PPM1E: variants seen among roughly 807,000 people sequenced by gnomAD.
PPM1E encodes the protein protein phosphatase, Mg2+/Mn2+ dependent 1E.
A neutral mutation model predicts 65.9 loss-of-function variants in PPM1E; 20 were observed. That is an observed-to-expected ratio of 0.30 (90% confidence interval 0.21 to 0.44). PPM1E has a LOEUF of 0.44. PPM1E is among the 20% of genes least tolerant of loss of function. PPM1E has a pLI of 1.00. For synonymous variants in PPM1E, 352 were observed against 374.9 expected (o/e 0.94, Z 0.70); for missense variants, 713 against 953.1 (o/e 0.75, Z 3.32).
At chr17:58,769,252 T>G (rs562152595) in intron 1 of PPM1E, among the ~76,000 whole-genome samples, 3 of 152,144 alleles carry the variant, frequency 2.0e-5, no homozygotes, top group Non-Finnish European at 4.4e-5. Flanking sequence ...CATCATCTAC[T>G]CAACAAATGT....
intron 1 of PPM1E, among the ~76,000 whole-genome samples, chr17:58,805,643 AT>A (rs1285512263): frequency 2.6e-5 from 4 of 151,808 alleles, no homozygotes; most frequent in East Asian, 1.9e-4. Flanking sequence ...ATATACTACC[AT>A]TTTTTCCAGA....
intron 1 of PPM1E, among the ~76,000 whole-genome samples, chr17:58,821,079 T>G (rs950066260): frequency 4.6e-5 from 7 of 152,040 alleles, no homozygotes; most frequent in Non-Finnish European, 1.0e-4. Flanking sequence ...AACCTTCAGC[T>G]TAGCTTTGTA....
chr17:58,815,171 T>C (rs1437009702), intron 1 of PPM1E, among the ~76,000 whole-genome samples: 1 of 152,118 alleles, frequency 6.6e-6, no homozygotes, highest in Non-Finnish European at 1.5e-5. Context: ...TGAGTTAGAG[T>C]GATAATAGGT....
At chr17:58,882,397 A>G (rs1369515370) in intron 1 of PPM1E, among the ~76,000 whole-genome samples, 1 of 148,170 alleles carries the variant, frequency 6.7e-6, no homozygotes, top group Admixed American at 6.7e-5. Flanking sequence ...AGCAACTTGC[A>G]TTTTTTTTTT....
intron 2 of PPM1E, among the ~76,000 whole-genome samples, chr17:58,963,602 G>A (rs943032015): frequency 6.6e-6 from 1 of 151,908 alleles, no homozygotes; most frequent in Non-Finnish European, 1.5e-5. Flanking sequence ...CCAGCTACTC[G>A]GGAGGCTGAG....
chr17:58,974,597 A>C (rs2030879408), intron 6 of PPM1E, among the ~76,000 whole-genome samples: 2 of 152,214 alleles, frequency 1.3e-5, no homozygotes, highest in Admixed American at 1.3e-4. Flanking sequence ...TTTTTTAAAA[A>C]AGAATAAATC....
intron 1 of PPM1E, among the ~76,000 whole-genome samples, chr17:58,798,848 C>T (rs1288113699): frequency 6.6e-6 from 1 of 151,986 alleles, no homozygotes; most frequent in African/African-American, 2.4e-5. Flanking sequence ...TGCATGCCAC[C>T]ATGCTCGGCT....
intron 1 of PPM1E, among the ~76,000 whole-genome samples, chr17:58,866,414 G>A (rs879886854): frequency 3.3e-5 from 5 of 152,182 alleles, no homozygotes; most frequent in Non-Finnish European, 4.4e-5. Flanking sequence ...CTGCAAGGAC[G>A]TTCCCCCAAG....
chr17:58,873,582 A>ATTATTG (rs2051095708), intron 1 of PPM1E, among the ~76,000 whole-genome samples: 1 of 145,672 alleles, frequency 6.9e-6, no homozygotes, highest in Non-Finnish European at 1.5e-5. Context: ...TATTATTATT[A>ATTATTG]TTATTATTAT....
chr17:58,833,023 A>G (rs1017598153), intron 1 of PPM1E, among the ~76,000 whole-genome samples: 1 of 151,804 alleles, frequency 6.6e-6, no homozygotes, highest in Non-Finnish European at 1.5e-5. Flanking sequence ...ACGGGGTTTC[A>G]CCATGTTGGT....
At chr17:58,897,482 C>T (rs1455730382) in intron 1 of PPM1E, among the ~76,000 whole-genome samples, 8 of 151,946 alleles carry the variant, frequency 5.3e-5, no homozygotes, top group Non-Finnish European at 1.0e-4. Context: ...CACCCAAGAG[C>T]TCTGATGGAG....
intron 1 of PPM1E, among the ~76,000 whole-genome samples, chr17:58,900,436 T>G (rs910837086): frequency 3.3e-5 from 5 of 152,200 alleles, no homozygotes; most frequent in Admixed American, 1.3e-4. Flanking sequence ...CTTATCACGC[T>G]CTGAAGGCTC....
chr17:58,851,181 C>G (rs983675379), intron 1 of PPM1E, among the ~76,000 whole-genome samples: 2 of 152,110 alleles, frequency 1.3e-5, no homozygotes, highest in African/African-American at 4.8e-5. Flanking sequence ...TTCATCTAAT[C>G]TTTTTTCAAG....
intron 1 of PPM1E, among the ~76,000 whole-genome samples, chr17:58,792,010 C>CTTA (rs929037164): frequency 3.3e-5 from 5 of 152,150 alleles, no homozygotes; most frequent in Non-Finnish European, 7.4e-5. Flanking sequence ...ATACACCATT[C>CTTA]TTATTCCCAT....
At chr17:58,843,998 A>G (rs747766561) in intron 1 of PPM1E, among the ~76,000 whole-genome samples, 4 of 152,196 alleles carry the variant, frequency 2.6e-5, no homozygotes, top group Non-Finnish European at 5.9e-5. Flanking sequence ...GCAGAGCATT[A>G]TAGTTTTGTC....
At chr17:58,978,510 A>T (rs968098180) in intron 6 of PPM1E, among the ~76,000 whole-genome samples, 1 of 152,104 alleles carries the variant, frequency 6.6e-6, no homozygotes, top group Non-Finnish European at 1.5e-5. Flanking sequence ...CAGGAGTTCG[A>T]CGCCAGCCTG....
chr17:58,966,352 T>TAA (rs763553438), intron 3 of PPM1E: 50 of 239,136 alleles, frequency 2.1e-4, no homozygotes, highest in South Asian at 4.7e-4. Flanking sequence ...GACTGTCTCT[T>TAA]AAAAAAAAAA....
chr17:58,883,536 T>C (rs939957003), intron 1 of PPM1E, among the ~76,000 whole-genome samples: 1 of 142,948 alleles, frequency 7.0e-6, no homozygotes, highest in East Asian at 2.1e-4. Context: ...CAGGCTGGAG[T>C]GCAGTGGCGC....
chr17:58,903,174 T>G (rs1321070783), intron 1 of PPM1E, among the ~76,000 whole-genome samples: 1 of 152,196 alleles, frequency 6.6e-6, no homozygotes, highest in Non-Finnish European at 1.5e-5. Flanking sequence ...TCAAGTCCGA[T>G]GACATTATTG....
Sources: gnomAD v4.1 joint callset for allele counts (sites outside exome capture counted in the v4.1 genomes callset) on GRCh38, gnomAD v4.1.1 for gene constraint, MANE v1.5 for transcripts, NCBI Gene and HGNC (gene_info 2026-07-23, HGNC 2026-07-21) for gene names.